TRIM54: variants seen among roughly 807,000 people sequenced by gnomAD.
TRIM54 encodes the protein tripartite motif containing 54.
In TRIM54, 40 loss-of-function variants were observed where a neutral mutation model predicts 42.0. That is an observed-to-expected ratio of 0.95 (90% CI 0.74 to 1.24). The LOEUF (loss-of-function observed/expected upper bound fraction) is 1.24, where lower values mean the gene tolerates loss of function less well. TRIM54 is among the 50% of genes most tolerant of loss of function. The probability of loss-of-function intolerance (pLI) is 0.00; values close to 1 mark genes in which losing one functional copy is unlikely to be tolerated. For missense variants in TRIM54, 485 were observed against 480.3 expected, an observed-to-expected ratio of 1.01 and a Z score of -0.09; for synonymous variants, 199 against 194.9, an observed-to-expected ratio of 1.02 and a Z score of -0.17.
At chr2:27,302,851 G>T (rs866800231) in intron 3 of TRIM54, among the ~76,000 whole-genome samples, 2 of 152,174 alleles carry the variant, frequency 1.3e-5, no homozygotes, top group African/African-American at 4.8e-5. Context: ...GCTTGACTTG[G>T]TGTGTCACCT....
rs549187153 is a variant in TRIM54 at position 27,307,299 on chromosome 2, C to T, written c.*414C>T. On this transcript the variant is annotated 3_prime_UTR_variant, in exon 9 of 9. Coordinates refer to ENST00000380075, the MANE Select transcript of TRIM54 (RefSeq NM_187841.3). This position sits in a 1 kb window ranked among gnomAD's most constrained non-coding sequence, Gnocchi z 6.9. ...TGGCTGAAAGCCGCTGTCTCGGAGC[C>T]CCCCACAGCATTTTGTTCCCCTCCC... is the stretch of plus-strand genomic sequence containing the variant. The T allele has an allele frequency of 5.6e-6, 4 of 711,972 alleles. No homozygotes were observed. The highest frequency in any genetic ancestry group is 4.5e-6 in the Non-Finnish European group (2 of 447,876). The allele number at this position is 711,972 out of a possible 1,614,324, so 44.1% of individuals were successfully genotyped here.
Position 27,306,921 on chromosome 2 carries a change from G to C in TRIM54, c.*36G>C. ...GACCCGACCCTGCTCGAGAGCCCGC[G>C]CTAGAGTCGGGGAGGATCTGCGCAG... On this transcript the variant is annotated 3_prime_UTR_variant, in exon 9 of 9. Transcript: ENST00000380075. This position sits in a 1 kb window ranked among gnomAD's most constrained non-coding sequence, Gnocchi z 6.1. 1 of 312,370 alleles carries C rather than the reference G, an allele frequency of 3.2e-6. No individual in the cohort carries two copies. Among genetic ancestry groups the C allele is most frequent in the East Asian group, 6.8e-5 (1 of 14,750 alleles). 19.3% of individuals were successfully genotyped at this position (312,370 alleles called of 1,614,324 possible).
Position 27,307,180 on chromosome 2 carries a change from C to A in TRIM54, c.*295C>A. 2.7e-6 allele frequency: 1 copy of A among 370,732 alleles called. No homozygotes were observed. The highest frequency in any genetic ancestry group is 4.9e-6 in the Non-Finnish European group (1 of 202,444). The allele number at this position is 370,732 out of a possible 1,614,324, so 23.0% of individuals were successfully genotyped here. ...GGAGCGAACTGGTGAGCCCAGCGCC[C>A]TGGGAAGAGGGCCGAGGGCGGGGCG... On this transcript the variant is annotated 3_prime_UTR_variant, in exon 9 of 9. Transcript: ENST00000380075. This position sits in a 1 kb window ranked among gnomAD's most constrained non-coding sequence, Gnocchi z 6.9.
rs142196338 is a variant in TRIM54 at position 27,298,713 on chromosome 2, C to G, written c.315C>G (p.Ile105Met). ...LQRNLLVENI[I>M]DIYKQESSRP... ...GAAACCTGCTAGTGGAGAACATTAT[C>G]GACATTTACAAGCAGGAGTCATCCA... The change falls in exon 2 of 9, where the codon ATC becomes ATG. Residue 105 changes from isoleucine to methionine, a missense_variant. By Grantham distance (10) the Ile-to-Met change is conservative. Transcript: ENST00000380075. The G allele has an allele frequency of 1.9e-6, 3 of 1,613,944 alleles. No homozygotes were observed. Among genetic ancestry groups the G allele is most frequent in the Non-Finnish European group, 2.5e-6 (3 of 1,179,982 alleles).
chr2:27,283,831 G>A (rs1339315519), intron 1 of TRIM54, among the ~76,000 whole-genome samples: 1 of 124,524 alleles, frequency 8.0e-6, no homozygotes, highest in African/African-American at 2.9e-5. Flanking sequence ...CGGCCTTGCC[G>A]TTAAGTAAAA....
chr2:27,282,808 G>T lies in TRIM54; in HGVS notation c.77G>T (p.Cys26Phe). 1 of 1,614,062 alleles carries T rather than the reference G, an allele frequency of 6.2e-7. No homozygotes were observed. Among genetic ancestry groups the T allele is most frequent in the Non-Finnish European group, 8.5e-7 (1 of 1,179,964 alleles). The change falls in exon 1 of 9, where the codon TGC (cysteine) becomes TTC (phenylalanine). Residue 26 changes from cysteine (C) to phenylalanine (F), a missense_variant. By Grantham distance (205) the Cys-to-Phe change is radical. Coordinates refer to ENST00000380075, the MANE Select transcript of TRIM54 (RefSeq NM_187841.3). ...GACAACCTGGAGAAGCAGCTCATCT[G>T]CCCCATCTGCCTGGAGATGTTCTCC... ...SMDNLEKQLI[C>F]PICLEMFSKP... is the part of the protein sequence containing the mutation.
At chr2:27,302,078 C>T (rs193257681) in intron 3 of TRIM54, among the ~76,000 whole-genome samples, 8 of 151,702 alleles carry the variant, frequency 5.3e-5, no homozygotes, top group Admixed American at 3.9e-4. Context: ...CGCTTGAACC[C>T]GGGAGGCGGA....
chr2:27,305,182 G>A, intron 4 of TRIM54, 128 bp downstream of exon 4: 1 of 797,262 alleles, frequency 1.3e-6, no homozygotes, highest in South Asian at 1.7e-5. Context: ...CCTGGGAGTG[G>A]TGGGAGGTGC....
intron 1 of TRIM54, among the ~76,000 whole-genome samples, chr2:27,290,455 C>A (rs1678690480): frequency 6.6e-6 from 1 of 152,062 alleles, no homozygotes. Flanking sequence ...ATCACGAGGT[C>A]AGGAGATGGA....
Position 27,291,896 on chromosome 2 carries a change from G to A in TRIM54, c.169-6671G>A, listed in dbSNP as rs184179308. ...GGGATGAAAGCTACACGCAAAATAC[G>A]GGACTGTGGTGTCAGCAGCAGGGAG... On this transcript the variant is annotated intron_variant, in intron 1 of 8. Coordinates refer to ENST00000380075, the MANE Select transcript of TRIM54 (RefSeq NM_187841.3). Among the ~76,000 whole-genome samples the A allele has an allele frequency of 5.9e-5, 9 of 152,266 alleles. No individual in the cohort carries two copies. The East Asian group carries it at 1.2e-3, about 20-fold the overall frequency.
chr2:27,296,721 G>A (rs1021493214), intron 1 of TRIM54, among the ~76,000 whole-genome samples: 1 of 152,132 alleles, frequency 6.6e-6, no homozygotes, highest in African/African-American at 2.4e-5. Flanking sequence ...CAGCCAATTG[G>A]CCACACCCAG....
intron 1 of TRIM54, among the ~76,000 whole-genome samples, chr2:27,284,322 C>G (rs953214760): frequency 6.6e-6 from 1 of 152,104 alleles, no homozygotes; most frequent in Non-Finnish European, 1.5e-5. Flanking sequence ...CTTGGGGCAG[C>G]TTGTTTTGGA....
chr2:27,291,030 G>A (rs887131147), intron 1 of TRIM54, among the ~76,000 whole-genome samples: 3 of 152,140 alleles, frequency 2.0e-5, no homozygotes, highest in African/African-American at 7.2e-5. Context: ...TGTACTACCT[G>A]TACTATAATT....
chr2:27,298,418 C>G, intron 1 of TRIM54, 149 bp from the exon 2 acceptor site: 1 of 641,606 alleles, frequency 1.6e-6, no homozygotes, highest in East Asian at 2.7e-5. Flanking sequence ...GTGCGCTGCT[C>G]TCAGAGGTGG....
rs3073589 is a variant in TRIM54 at position 27,283,784 on chromosome 2, GCACA to G, written c.168+919_168+922del. ...CAAAGGCACACACACACACACGCGC[GCACA>G]CACACACACACACACACACACACAC... On this transcript the variant is annotated intron_variant, in intron 1 of 8. Transcript: ENST00000380075. 7.5e-3 allele frequency among the ~76,000 whole-genome samples: 987 copies of G among 132,174 alleles called. 11 individuals are homozygous for G. Among genetic ancestry groups the G allele is most frequent in the East Asian group, 0.02 (88 of 4,510 alleles). 86.7% of individuals were successfully genotyped at this position (132,174 alleles called of 152,430 possible). A position where few individuals can be genotyped will look rare whatever the true frequency, so the allele number is the denominator to read the frequency against.
intron 3 of TRIM54, among the ~76,000 whole-genome samples, chr2:27,301,991 T>C (rs544747519): frequency 1.3e-5 from 2 of 152,184 alleles, no homozygotes; most frequent in Non-Finnish European, 2.9e-5. Context: ...CTGTCTCTAC[T>C]AAAAATACAA....
chr2:27,301,135 C>CTT (rs35279593), intron 3 of TRIM54, among the ~76,000 whole-genome samples: 29 of 125,330 alleles, frequency 2.3e-4, no homozygotes, highest in African/African-American at 4.9e-4. Flanking sequence ...TGGTTGCCCT[C>CTT]TTTTTTTTTT....
At position 27,306,283 on chromosome 2, in the gene TRIM54, A is replaced by G. The variant is rs774136361; in HGVS notation, c.937A>G (p.Thr313Ala). The change falls in exon 7 of 9, where the codon ACC (threonine) becomes GCC (alanine). Residue 313 changes from threonine to alanine, a missense_variant. Physicochemically the swap from Thr to Ala is moderately conservative, Grantham distance 58 (BLOSUM62 0). Transcript: ENST00000380075. The surrounding 1 kb of genome is among the most constrained non-coding windows in gnomAD (Gnocchi z 6.1). ...AGGCTATGAGAGCATGGAGCAATTC[A>G]CCGTAAGGGTGGAGCACGTGGCCGA... Reference protein sequence around the residue: ...EPGYESMEQFTVRVEHVAEML... With the variant: ...EPGYESMEQFAVRVEHVAEML... 8 of 1,613,950 alleles carry G rather than the reference A, an allele frequency of 5.0e-6. No individual in the cohort carries two copies. The highest frequency in any genetic ancestry group is 5.9e-6 in the Non-Finnish European group (7 of 1,180,002).
rs367621533 is a variant in TRIM54, at chr2:27,283,784, G to GCGCGCACACACACA, written c.168+886_168+887insGCGCACACACACAC. 4.2e-3 allele frequency among the ~76,000 whole-genome samples: 549 copies of GCGCGCACACACACA among 132,198 alleles called. 6 individuals are homozygous for GCGCGCACACACACA. Among genetic ancestry groups the GCGCGCACACACACA allele is most frequent in the African/African-American group, 9.7e-3 (321 of 32,934 alleles). The allele number at this position is 132,198 out of a possible 152,430, so 86.7% of individuals were successfully genotyped here. On this transcript the variant is annotated intron_variant, in intron 1 of 8. Transcript: ENST00000380075. Reference sequence around the variant, plus strand: ...CAAAGGCACACACACACACACGCGCGCACACACACACACACACACACACAC... The same window carrying GCGCGCACACACACA: ...CAAAGGCACACACACACACACGCGCGCGCGCACACACACACACACACACACACACACACACACAC...
Sources: gnomAD v4.1 joint callset for allele counts (sites outside exome capture counted in the v4.1 genomes callset) on GRCh38, gnomAD v4.1.1 for gene constraint, Gnocchi (gnomAD v3.1) non-coding constraint, MANE v1.5 for transcripts, NCBI Gene and HGNC (gene_info 2026-07-23, HGNC 2026-07-21) for gene names.